The following DMRT1 variants were observed in gnomAD, a reference collection of about 807,000 sequenced individuals.
DMRT1 encodes doublesex- and mab-3-related transcription factor 1.
DMRT1 carries 7 observed loss-of-function variants against 32.3 expected under a neutral mutation model. That is an observed-to-expected ratio of 0.22 (90% CI 0.12 to 0.41). The LOEUF (loss-of-function observed/expected upper bound fraction) is 0.41, where lower values mean the gene tolerates loss of function less well. Ranked by LOEUF, DMRT1 falls within the 10% of genes least tolerant of loss-of-function variation. The pLI is 1.00. For missense variants in DMRT1, 625 were observed against 500.5 expected, an observed-to-expected ratio of 1.25 and a Z score of -2.37; for synonymous variants, 278 against 206.1, an observed-to-expected ratio of 1.35 and a Z score of -2.99.
chr9:939,477 G>A (rs921135627), intron 4 of DMRT1, among the ~76,000 whole-genome samples: 2 of 152,170 alleles, frequency 1.3e-5, no homozygotes, highest in East Asian at 1.9e-4. Context: ...GGCCAGTCTT[G>A]TTTTGAAATA....
intron 2 of DMRT1, among the ~76,000 whole-genome samples, chr9:880,724 C>CA (rs754419367): frequency 0.12 from 7,547 of 61,518 alleles, 684 homozygotes; most frequent in African/African-American, 0.25. Flanking sequence ...AACTCAGTCT[C>CA]AAAAAAAAAA....
At chr9:891,407 T>C (rs1332823426) in intron 2 of DMRT1, among the ~76,000 whole-genome samples, 1 of 151,714 alleles carries the variant, frequency 6.6e-6, no homozygotes, top group East Asian at 2.0e-4. Context: ...GCCGAGATCG[T>C]ACCACTGCAC....
intron 3 of DMRT1, among the ~76,000 whole-genome samples, chr9:913,383 T>A (rs1369763504): frequency 1.3e-5 from 2 of 150,162 alleles, no homozygotes; most frequent in African/African-American, 4.9e-5. Context: ...CTTAAGGAAG[T>A]CTATGGAGAC....
intron 4 of DMRT1, among the ~76,000 whole-genome samples, chr9:957,135 T>G (rs1819626511): frequency 6.6e-6 from 1 of 152,128 alleles, no homozygotes; most frequent in Non-Finnish European, 1.5e-5. Context: ...GCTGCCATCT[T>G]TATGTCCATA....
At chr9:852,587 T>C (rs73382583) in intron 2 of DMRT1, among the ~76,000 whole-genome samples, 1 of 152,316 alleles carries the variant, frequency 6.6e-6, no homozygotes, top group South Asian at 2.1e-4. Flanking sequence ...TCCTCTCCTT[T>C]TCTGTGCAGA....
chr9:926,350 T>A (rs1486875741), intron 4 of DMRT1, among the ~76,000 whole-genome samples: 1 of 152,230 alleles, frequency 6.6e-6, no homozygotes, highest in African/African-American at 2.4e-5. Context: ...ATTTAACTAG[T>A]GATTAGCTTT....
At position 894,686 on chromosome 9, in the gene DMRT1, G is replaced by C. The variant is rs181696663; in HGVS notation, c.822+491G>C. 138 of 215,072 alleles carry C rather than the reference G, an allele frequency of 6.4e-4. 1 individual carries two copies. The Middle Eastern group carries it at 7.8e-3, about 12-fold the overall frequency. 13.3% of individuals were successfully genotyped at this position (215,072 alleles called of 1,614,324 possible). A position where few individuals can be genotyped will look rare whatever the true frequency, so the allele number is the denominator to read the frequency against. ...TTGGGAAGGAAACAGGTCATAATCT[G>C]TATGGAAGAAAGGTAAGAAAAGGAA... is the stretch of plus-strand genomic sequence containing the variant. On this transcript the variant is annotated intron_variant, in intron 3 of 4. Coordinates refer to ENST00000382276, the MANE Select transcript of DMRT1 (RefSeq NM_021951.3).
At chr9:944,515 G>C (rs79430596) in intron 4 of DMRT1, among the ~76,000 whole-genome samples, 1,535 of 152,258 alleles carry the variant, frequency 0.01, 15 homozygotes, top group Non-Finnish European at 0.015. Context: ...AACTGATTTT[G>C]TGTCTTAGTC....
chr9:849,664 G>A (rs997202830), intron 2 of DMRT1, among the ~76,000 whole-genome samples: 6 of 152,186 alleles, frequency 3.9e-5, no homozygotes, highest in Non-Finnish European at 8.8e-5. Flanking sequence ...CCTCACCTGT[G>A]GAGTTGACAG....
intron 3 of DMRT1, among the ~76,000 whole-genome samples, chr9:909,507 A>T (rs1817896697): frequency 6.6e-6 from 1 of 152,154 alleles, no homozygotes; most frequent in African/African-American, 2.4e-5. Context: ...AGAAGCATCT[A>T]TTAAAACTAA....
chr9:884,156 C>G (rs1235384569), intron 2 of DMRT1, among the ~76,000 whole-genome samples: 2 of 151,704 alleles, frequency 1.3e-5, no homozygotes, highest in East Asian at 1.9e-4. Flanking sequence ...ACACAAAGGA[C>G]TCAAAGTGCA....
chr9:890,827 G>A (rs1817117423), intron 2 of DMRT1, among the ~76,000 whole-genome samples: 1 of 152,146 alleles, frequency 6.6e-6, no homozygotes, highest in Non-Finnish European at 1.5e-5. Context: ...CAATTCTCCT[G>A]CCTCATCCTC....
At chr9:953,414 C>T (rs1819494069) in intron 4 of DMRT1, among the ~76,000 whole-genome samples, 1 of 152,172 alleles carries the variant, frequency 6.6e-6, no homozygotes, top group South Asian at 2.1e-4. Flanking sequence ...ATTAACTCGC[C>T]ATCATTGAGA....
intron 2 of DMRT1, among the ~76,000 whole-genome samples, chr9:873,189 C>A (rs1816347257): frequency 6.6e-6 from 1 of 152,228 alleles, no homozygotes; most frequent in African/African-American, 2.4e-5. Context: ...TCTTCTCATG[C>A]ACTTTGTGCC....
chr9:858,333 T>A (rs1290787938), intron 2 of DMRT1, among the ~76,000 whole-genome samples: 2 of 152,080 alleles, frequency 1.3e-5, no homozygotes, highest in African/African-American at 4.8e-5. Flanking sequence ...CATAGGGAAC[T>A]TTTGGAAGGT....
At chr9:886,057 A>G (rs966712535) in intron 2 of DMRT1, among the ~76,000 whole-genome samples, 1 of 152,236 alleles carries the variant, frequency 6.6e-6, no homozygotes, top group Non-Finnish European at 1.5e-5. Context: ...AATTTTCAGC[A>G]GACTCATTAA....
At chr9:914,302 C>T (rs991546227) in intron 3 of DMRT1, among the ~76,000 whole-genome samples, 9 of 152,140 alleles carry the variant, frequency 5.9e-5, no homozygotes, top group East Asian at 1.9e-4. Flanking sequence ...TGGCCAGGCG[C>T]GGTGGCTCAC....
intron 1 of DMRT1, among the ~76,000 whole-genome samples, chr9:844,719 CT>C (rs35980858): frequency 0.23 from 27,318 of 116,380 alleles, 2,005 homozygotes; most frequent in Middle Eastern, 0.3. Context: ...TTCTTTCTTT[CT>C]TTTTTTTTTT....
intron 4 of DMRT1, among the ~76,000 whole-genome samples, chr9:929,804 C>T (rs1162301723): frequency 1.3e-5 from 2 of 152,092 alleles, no homozygotes; most frequent in African/African-American, 4.8e-5. Flanking sequence ...AGGATGTAAA[C>T]TGATGGCTCA....
Sources: allele counts gnomAD v4.1 joint callset (sites outside exome capture counted in the v4.1 genomes callset), GRCh38; gene constraint gnomAD v4.1.1; transcripts MANE v1.5; gene names NCBI Gene and HGNC (gene_info 2026-07-23, HGNC 2026-07-21).